The following TYK2 variants were observed in gnomAD, a reference collection of about 807,000 sequenced individuals.
TYK2 encodes the protein non-receptor tyrosine-protein kinase TYK2.
Under a neutral mutation model 130.9 loss-of-function variants are expected in TYK2, and 65 were observed. The ratio of observed to expected loss-of-function variants is 0.50; its 90% CI spans 0.41 to 0.61. TYK2 has a LOEUF of 0.61. Among genes scored for constraint, TYK2 ranks in the 20% least tolerant of loss-of-function variants. TYK2 has a pLI of 0.00. For synonymous variants in TYK2, 647 were observed against 658.9 expected, an observed-to-expected ratio of 0.98 and a Z score of 0.28; for missense variants, 1,378 against 1,610.7, an observed-to-expected ratio of 0.86 and a Z score of 2.47.
rs1279182433 is a variant in TYK2 at position 10,364,563 on chromosome 19, C to A, written c.1367+51G>T. ...CTGCACAGCCCCTAGGGCTCACAGTCTAGTTGGCACCCTTGGCGGTGGCCC... is the reference window on the plus strand; with the variant it reads ...CTGCACAGCCCCTAGGGCTCACAGTATAGTTGGCACCCTTGGCGGTGGCCC... On this transcript the variant is annotated intron_variant, in intron 9 of 24. Transcript: ENST00000525621. The surrounding 1 kb of genome is among the most constrained non-coding windows in gnomAD (Gnocchi z 4.9). 2 of 1,605,540 alleles carry A rather than the reference C, an allele frequency of 1.2e-6. No homozygotes were observed. The highest frequency in any genetic ancestry group is 1.7e-6 in the Non-Finnish European group (2 of 1,173,720).
chr19:10,351,914 AT>A (rs1332586243), intron 23 of TYK2, among the ~76,000 whole-genome samples: 4 of 146,886 alleles, frequency 2.7e-5, no homozygotes, highest in Non-Finnish European at 4.5e-5. Context: ...TAATTTTTGT[AT>A]TTTTAGTAGA....
Position 10,352,979 on chromosome 19 carries a change from G to C in TYK2, c.3147C>G (p.Pro1049=), listed in dbSNP as rs747568389. The change falls in exon 22 of 25, where the codon CCC becomes CCG. Residue 1049 remains proline, a synonymous_variant. Coordinates refer to ENST00000525621, the MANE Select transcript of TYK2 (RefSeq NM_003331.5). ...IGDFGLAKAV[P]EGHEYYRVRE... ...GCACGCGGTAGTACTCGTGGCCTTCGGGCACGGCCTTGGCTAGGCCAAAGT... is the reference window on the plus strand; with the variant it reads ...GCACGCGGTAGTACTCGTGGCCTTCCGGCACGGCCTTGGCTAGGCCAAAGT... 23 of 1,606,616 alleles carry C rather than the reference G, an allele frequency of 1.4e-5. No individual in the cohort carries two copies. In the Middle Eastern group the frequency reaches 6.6e-4, roughly 46 times the overall value.
At chr19:10,358,291 C>CTTTTTTT (rs2041211470) in intron 15 of TYK2, among the ~76,000 whole-genome samples, 153 bp from the exon 16 acceptor site, 4 of 118,646 alleles carry the variant, frequency 3.4e-5, no homozygotes, top group African/African-American at 1.1e-4. Flanking sequence ...TTATTTTTTT[C>CTTTTTTT]TTGTTTTTTT....
At position 10,364,267 on chromosome 19, in the gene TYK2, T is replaced by C. The variant is rs982774904; in HGVS notation, c.1367+347A>G. Among the ~76,000 whole-genome samples, 4 of 152,016 alleles carry C rather than the reference T, an allele frequency of 2.6e-5. No individual in the cohort carries two copies. The highest frequency in any genetic ancestry group is 5.9e-5 in the Non-Finnish European group (4 of 67,994). Reference sequence around the variant, plus strand: ...GGCTCATGCCTGTAATACCAGCACTTTGGGAGGCCGAGGCGGGTGGATCAC... The same window carrying C: ...GGCTCATGCCTGTAATACCAGCACTCTGGGAGGCCGAGGCGGGTGGATCAC... On this transcript the variant is annotated intron_variant, in intron 9 of 24. Transcript: ENST00000525621. The surrounding 1 kb of genome is among the most constrained non-coding windows in gnomAD (Gnocchi z 4.9).
intron 3 of TYK2, 61 bp downstream of exon 3, chr19:10,378,153 G>C (rs1273074009): frequency 2.6e-6 from 4 of 1,566,858 alleles, no homozygotes; most frequent in Non-Finnish European, 2.6e-6. Flanking sequence ...CGGATGGATG[G>C]GGCCCAGCTG....
In TYK2 at chr19:10,350,856, G is replaced by C. The variant is rs1233179704; in HGVS notation, c.3542C>G (p.Pro1181Arg). The C allele has an allele frequency of 6.2e-7, 1 of 1,613,890 alleles. No individual in the cohort carries two copies. The highest frequency in any genetic ancestry group is 8.5e-7 in the Non-Finnish European group (1 of 1,180,044). The change falls in exon 25 of 25, where the codon CCT becomes CGT. Residue 1181 changes from proline (P) to arginine (R), a missense_variant. By Grantham distance (103) the Pro-to-Arg change is moderately radical (BLOSUM62 -2). Transcript: ENST00000525621. ...TVHEKYQGQA[P>R]SVFSVC ...GCCTCAGCACACGCTGAACACTGAA[G>C]GGGCCTGGCCTTGGTACTTCTCATG...
chr19:10,352,189 A>G (rs1003106473), intron 23 of TYK2, among the ~76,000 whole-genome samples: 3 of 151,472 alleles, frequency 2.0e-5, no homozygotes, highest in Non-Finnish European at 4.4e-5. Context: ...CTCCTGCCTC[A>G]GTCTCCTGAG....
Position 10,357,760 on chromosome 19 carries a change from A to G in TYK2, c.2466+4T>C, listed in dbSNP as rs967071448. 3.1e-6 allele frequency: 5 copies of G among 1,604,758 alleles called. No individual in the cohort carries two copies. Among genetic ancestry groups the G allele is most frequent in the Middle Eastern group, 1.6e-4 (1 of 6,076 alleles). On this transcript the variant is annotated splice_donor_region_variant and intron_variant, in intron 17 of 24. Coordinates refer to ENST00000525621, the MANE Select transcript of TYK2 (RefSeq NM_003331.5). ...GGGAGGGCCCAAGGGTCTCCTAGACATACCTCGGAGGGACTGCGGCTCTGC... is the reference window on the plus strand; with the variant it reads ...GGGAGGGCCCAAGGGTCTCCTAGACGTACCTCGGAGGGACTGCGGCTCTGC...
intron 3 of TYK2, among the ~76,000 whole-genome samples, chr19:10,369,067 C>G (rs534094443): frequency 2.0e-5 from 3 of 152,252 alleles, no homozygotes; most frequent in South Asian, 2.1e-4. Flanking sequence ...CCTTGGCCCC[C>G]CAAAGTGCTG....
intron 23 of TYK2, 27 bp downstream of exon 23, chr19:10,352,407 C>T (rs200759520): frequency 1.4e-6 from 2 of 1,475,894 alleles, no homozygotes; most frequent in African/African-American, 1.4e-5. Flanking sequence ...AGCAAACTCC[C>T]GGTGGGGCTG....
chr19:10,357,450 G>GCT (rs1184373669), intron 17 of TYK2: 1 of 696,986 alleles, frequency 1.4e-6, no homozygotes. Context: ...CCCACTGCTG[G>GCT]GTGAGGCGCA....
rs1221477216 is a variant in TYK2, at chr19:10,362,279, G to A, written c.1654C>T (p.Leu552=). 6.2e-7 allele frequency: 1 copy of A among 1,614,134 alleles called. No homozygotes were observed. The change falls in exon 11 of 25, where the codon CTG becomes TTG. Residue 552 remains leucine (L), a synonymous_variant. Coordinates refer to ENST00000525621, the MANE Select transcript of TYK2 (RefSeq NM_003331.5). The part of the protein sequence containing the change: ...DDCFSLRRCC[L]PQPGETSNLI... ...ATCATCGTACCTCCTGGTTGGGGCA[G>A]GCAACAGCGACGCAGAGAGAAGCAG...
rs913225604 is a variant in TYK2 at position 10,379,625 on chromosome 19, G to A, written c.-31C>T. On this transcript the variant is annotated 5_prime_UTR_variant, in exon 2 of 25. Coordinates refer to ENST00000525621, the MANE Select transcript of TYK2 (RefSeq NM_003331.5). ...TGTGGTCAAACATACCTGAGGGTGA[G>A]TCCTGGAGCTCCCTGTGTCAACTCA... is the stretch of plus-strand genomic sequence containing the variant. 3 of 152,218 alleles carry A rather than the reference G, an allele frequency of 2.0e-5. No homozygotes were observed. Among genetic ancestry groups the A allele is most frequent in the Admixed American group, 6.5e-5 (1 of 15,272 alleles). 9.4% of individuals were successfully genotyped at this position (152,218 alleles called of 1,614,324 possible). A position where few individuals can be genotyped will look rare whatever the true frequency, so the allele number is the denominator to read the frequency against.
rs759253619 is a variant in TYK2, at chr19:10,361,848, G to A, written c.1881C>T (p.Leu627=). The A allele has an allele frequency of 3.1e-6, 5 of 1,613,864 alleles. No individual in the cohort carries two copies. The African/African-American group carries it at 4.0e-5, about 13-fold the overall frequency. ...CCTGCCCACGGTCCCTGCCAGGCACGAGGGGGTCCTCGTCATCCATCTTGC... is the reference window on the plus strand; with the variant it reads ...CCTGCCCACGGTCCCTGCCAGGCACAAGGGGGTCCTCGTCATCCATCTTGC... The part of the protein sequence containing the change: ...EEGKMDDEDP[L]VPGRDRGQEL... The change falls in exon 13 of 25, where the codon CTC becomes CTT. Residue 627 remains leucine (L), a synonymous_variant. Transcript: ENST00000525621. The surrounding 1 kb of genome is among the most constrained non-coding windows in gnomAD (Gnocchi z 4.0).
chr19:10,351,201 T>C (rs2040785470), intron 23 of TYK2, 39 bp from the exon 24 acceptor site: 1 of 1,563,366 alleles, frequency 6.4e-7, no homozygotes. Context: ...CAAGAGGCAA[T>C]GAAAGGCAGG....
In TYK2 at chr19:10,353,328, C is replaced by T; in HGVS notation, c.3027+200G>A. On this transcript the variant is annotated intron_variant, in intron 21 of 24. Coordinates refer to ENST00000525621, the MANE Select transcript of TYK2 (RefSeq NM_003331.5). This position sits in a 1 kb window ranked among gnomAD's most constrained non-coding sequence, Gnocchi z 6.9. The stretch of plus-strand genomic sequence containing the variant: ...GGCAGGAGGGCGAGTTGGGAGGGGC[C>T]GAGCCGGCTGTGCGTGGTCCCTTGG... 7.0e-6 allele frequency: 4 copies of T among 569,180 alleles called. No homozygotes were observed. The highest frequency in any genetic ancestry group is 4.7e-4 in the Middle Eastern group (1 of 2,144). The allele number at this position is 569,180 out of a possible 1,614,324, so 35.3% of individuals were successfully genotyped here. A position where few individuals can be genotyped will look rare whatever the true frequency, so the allele number is the denominator to read the frequency against.
intron 5 of TYK2, among the ~76,000 whole-genome samples, chr19:10,367,205 C>G (rs1394782351): frequency 6.6e-6 from 1 of 152,142 alleles, no homozygotes; most frequent in Non-Finnish European, 1.5e-5. Context: ...CTGCGTCTTA[C>G]CACCTTGAGG....
Position 10,372,494 on chromosome 19 carries a change from T to A in TYK2, c.194-4076A>T, listed in dbSNP as rs1380918330. On this transcript the variant is annotated intron_variant, in intron 3 of 24. Coordinates refer to ENST00000525621, the MANE Select transcript of TYK2 (RefSeq NM_003331.5). ...TATATATATATATATATTTTTTTTT[T>A]TTTTTTTTTTTTTGAGACAGCATCT... is the stretch of plus-strand genomic sequence containing the variant. Among the ~76,000 whole-genome samples, 244 of 99,066 alleles carry A rather than the reference T, an allele frequency of 2.5e-3. 5 individuals are homozygous for A. Among genetic ancestry groups the A allele is most frequent in the African/African-American group, 8.1e-3 (193 of 23,758 alleles). The allele number at this position is 99,066 out of a possible 152,430, so 65.0% of individuals were successfully genotyped here.
chr19:10,356,768 C>T (rs1324309068), intron 17 of TYK2, 50 bp from the exon 18 acceptor site: 11 of 1,551,614 alleles, frequency 7.1e-6, no homozygotes, highest in South Asian at 4.7e-5. Context: ...TCGCCCCCAA[C>T]CCGTTCCCCA....
Sources: allele counts gnomAD v4.1 joint callset (sites outside exome capture counted in the v4.1 genomes callset), GRCh38; gene constraint gnomAD v4.1.1; non-coding constraint Gnocchi (gnomAD v3.1); transcripts MANE v1.5; gene names NCBI Gene and HGNC (gene_info 2026-07-23, HGNC 2026-07-21).